Variants in CCDC169 observed in about 807,000 individuals in gnomAD.
The protein encoded by CCDC169 is coiled-coil domain-containing protein 169.
A neutral mutation model predicts 36.0 loss-of-function variants in CCDC169; 30 were observed. The ratio of observed to expected loss-of-function variants is 0.83; its 90% CI spans 0.62 to 1.13. CCDC169 has a LOEUF of 1.13. Among genes scored for constraint, CCDC169 ranks in the 50% most tolerant of loss-of-function variants. CCDC169 has a pLI of 0.00. For synonymous variants in CCDC169, 85 were observed against 81.5 expected, an observed-to-expected ratio of 1.04 and a Z score of -0.23; for missense variants, 245 against 245.9, an observed-to-expected ratio of 1.00 and a Z score of 0.03.
chr13:36,294,261 C>T (rs1879224731), intron 2 of CCDC169, among the ~76,000 whole-genome samples: 2 of 152,276 alleles, frequency 1.3e-5, no homozygotes, highest in Admixed American at 6.5e-5. Context: ...CATTTTACTA[C>T]TGGGCATAGT....
intron 7 of CCDC169, among the ~76,000 whole-genome samples, chr13:36,245,941 T>C (rs1338150438): frequency 1.3e-5 from 2 of 152,198 alleles, no homozygotes; most frequent in Non-Finnish European, 2.9e-5. Context: ...ACTATATCCG[T>C]TAATGGTGAT....
intron 2 of CCDC169, among the ~76,000 whole-genome samples, chr13:36,294,805 T>TAGAAC (rs775095356): frequency 6.6e-6 from 1 of 152,054 alleles, no homozygotes; most frequent in African/African-American, 2.4e-5. Context: ...CACCAGTAAT[T>TAGAAC]AGAACAGAAC....
intron 6 of CCDC169, among the ~76,000 whole-genome samples, chr13:36,253,308 T>C (rs1438316970): frequency 6.6e-6 from 1 of 151,866 alleles, no homozygotes; most frequent in Non-Finnish European, 1.5e-5. Flanking sequence ...AAAAATAACC[T>C]CTTAATTTGG....
chr13:36,258,029 C>T (rs778407125), intron 4 of CCDC169, among the ~76,000 whole-genome samples: 6 of 152,136 alleles, frequency 3.9e-5, no homozygotes, highest in Admixed American at 2.0e-4. Context: ...TGGATGAGAC[C>T]GCAGATCTGG....
intron 7 of CCDC169, among the ~76,000 whole-genome samples, chr13:36,233,021 G>C (rs568772623): frequency 6.6e-6 from 1 of 152,192 alleles, no homozygotes; most frequent in Non-Finnish European, 1.5e-5. Flanking sequence ...AAGGCCCTAA[G>C]CTCTTGCCTC....
At chr13:36,282,452 A>G (rs914009301) in intron 4 of CCDC169, 46 of 985,176 alleles carry the variant, frequency 4.7e-5, no homozygotes, top group Admixed American at 6.2e-5. Context: ...TGACTCCTTG[A>G]TTAGATTTCT....
At chr13:36,262,089 C>A (rs950549421) in intron 4 of CCDC169, among the ~76,000 whole-genome samples, 1 of 152,160 alleles carries the variant, frequency 6.6e-6, no homozygotes, top group Non-Finnish European at 1.5e-5. Flanking sequence ...CTGTCTACCC[C>A]TCTAGTGCTG....
chr13:36,238,085 T>C (rs754764543), intron 7 of CCDC169, among the ~76,000 whole-genome samples: 15 of 152,054 alleles, frequency 9.9e-5, no homozygotes, highest in Non-Finnish European at 8.8e-5. Flanking sequence ...GAGAAAACCA[T>C]AAAAACAGAA....
chr13:36,233,941 C>T (rs1662901862), intron 7 of CCDC169, among the ~76,000 whole-genome samples: 1 of 152,186 alleles, frequency 6.6e-6, no homozygotes, highest in African/African-American at 2.4e-5. Context: ...TGTGCCACCT[C>T]TCCTTTCTAT....
intron 4 of CCDC169, among the ~76,000 whole-genome samples, chr13:36,257,453 C>T (rs1246071156): frequency 2.6e-5 from 4 of 152,188 alleles, no homozygotes; most frequent in Non-Finnish European, 5.9e-5. Context: ...TGCCTGTAAT[C>T]CCAGCACTTT....
chr13:36,253,340 C>CTT (rs368617005), intron 6 of CCDC169, among the ~76,000 whole-genome samples: 1 of 145,222 alleles, frequency 6.9e-6, no homozygotes, highest in Non-Finnish European at 1.5e-5. Context: ...GTCCTTTTTA[C>CTT]TTTTTTTTTT....
chr13:36,281,628 G>A (rs1266702151), intron 4 of CCDC169, among the ~76,000 whole-genome samples: 3 of 152,122 alleles, frequency 2.0e-5, no homozygotes, highest in Non-Finnish European at 2.9e-5. Context: ...TTTGGGAGGC[G>A]AGGCAGGTGG....
chr13:36,297,579 C>A, intron 1 of CCDC169, 58 bp downstream of exon 1: 1 of 1,500,060 alleles, frequency 6.7e-7, no homozygotes, highest in Non-Finnish European at 9.0e-7. Context: ...TGAGACTCTG[C>A]AGGTGAAGGC....
chr13:36,280,406 C>T (rs1877360114), intron 4 of CCDC169: 1 of 152,096 alleles, frequency 6.6e-6, no homozygotes, highest in Non-Finnish European at 1.5e-5. Context: ...AAACCAGAAA[C>T]AACCTAAAAT....
intron 2 of CCDC169, among the ~76,000 whole-genome samples, chr13:36,286,590 G>A (rs568593891): frequency 6.6e-6 from 1 of 152,186 alleles, no homozygotes; most frequent in South Asian, 2.1e-4. Flanking sequence ...TGAGATCTTT[G>A]TGCACCCTGA....
chr13:36,259,147 T>G (rs1874297246), intron 4 of CCDC169, among the ~76,000 whole-genome samples: 1 of 151,922 alleles, frequency 6.6e-6, no homozygotes, highest in Non-Finnish European at 1.5e-5. Flanking sequence ...AGGACTAAAG[T>G]GATGAGAGCC....
chr13:36,260,748 TCTC>T (rs1252530639), intron 4 of CCDC169, among the ~76,000 whole-genome samples: 4 of 152,160 alleles, frequency 2.6e-5, no homozygotes. Context: ...TGATAAATAA[TCTC>T]CTTTTCGTGA....
intron 7 of CCDC169, among the ~76,000 whole-genome samples, chr13:36,242,252 A>G (rs1378101208): frequency 6.6e-6 from 1 of 152,158 alleles, no homozygotes; most frequent in Non-Finnish European, 1.5e-5. Context: ...CTATTCCTCC[A>G]CATCCTTGAC....
At chr13:36,243,456 T>G (rs1872109068) in intron 7 of CCDC169, among the ~76,000 whole-genome samples, 1 of 148,682 alleles carries the variant, frequency 6.7e-6, no homozygotes, top group South Asian at 2.1e-4. Flanking sequence ...GCAGAGAGAT[T>G]GCACCACTGC....
Sources: gnomAD v4.1 joint callset for allele counts (sites outside exome capture counted in the v4.1 genomes callset) on GRCh38, gnomAD v4.1.1 for gene constraint, MANE v1.5 for transcripts, NCBI Gene and HGNC (gene_info 2026-07-23, HGNC 2026-07-21) for gene names.